The following ABCA7 variants were observed in gnomAD, a reference collection of about 807,000 sequenced individuals.
ABCA7 encodes phospholipid-transporting ATPase ABCA7.
In ABCA7, 261 loss-of-function variants were observed where a neutral mutation model predicts 227.6. The observed-to-expected ratio is 1.15, with a 90% CI of 1.04 to 1.27. The LOEUF (loss-of-function observed/expected upper bound fraction) is 1.27, where lower values mean the gene tolerates loss of function less well. ABCA7 is among the 50% of genes most tolerant of loss of function. ABCA7 has a pLI of 0.00. For synonymous variants in ABCA7, 1,488 were observed against 1,279.7 expected, an observed-to-expected ratio of 1.16 and a Z score of -3.47; for missense variants, 3,331 against 2,924.5, an observed-to-expected ratio of 1.14 and a Z score of -3.21.
chr19:1,060,207 A>ATATTTT, intron 40 of ABCA7, among the ~76,000 whole-genome samples: 4 of 96,866 alleles, frequency 4.1e-5, no homozygotes, highest in African/African-American at 1.4e-4. Context: ...ATATATATAT[A>ATATTTT]TTTTTTTTTC....
Position 1,048,513 on chromosome 19 carries a change from A to AAAC in ABCA7, c.2270-380_2270-379insCAA, listed in dbSNP as rs1555686515. Reference sequence around the variant, plus strand: ...CTCAGTCTCAAAAAAAAAAAAACAAAAAAAAAAAAAACAAGGCCGGGCACG... The same window carrying AAAC: ...CTCAGTCTCAAAAAAAAAAAAACAAAAACAAAAAAAAAAACAAGGCCGGGCACG... On this transcript the variant is annotated intron_variant, in intron 16 of 46. Coordinates refer to ENST00000263094, the MANE Select transcript of ABCA7 (RefSeq NM_019112.4). Among the ~76,000 whole-genome samples the AAAC allele has an allele frequency of 9.2e-5, 13 of 141,590 alleles. No individual in the cohort carries two copies. The East Asian group carries it at 2.7e-3, about 30-fold the overall frequency. The allele number at this position is 141,590 out of a possible 152,430, so 92.9% of individuals were successfully genotyped here.
chr19:1,041,647 G>C (rs768813299), intron 3 of ABCA7, 44 bp downstream of exon 3: 29 of 1,596,152 alleles, frequency 1.8e-5, no homozygotes, highest in Non-Finnish European at 2.1e-5. Flanking sequence ...TGTAGGGGAA[G>C]GCAGATGGCT....
intron 40 of ABCA7, among the ~76,000 whole-genome samples, chr19:1,060,178 T>G (rs931708558): frequency 2.0e-5 from 3 of 150,970 alleles, no homozygotes; most frequent in Non-Finnish European, 4.4e-5. Flanking sequence ...AAGTGCTGTT[T>G]GTTAGCACAC....
rs927268041 is a variant in ABCA7 at position 1,052,163 on chromosome 19, G to A, written c.3147+37G>A. 8.1e-6 allele frequency: 13 copies of A among 1,607,892 alleles called. No homozygotes were observed. The African/African-American group carries it at 1.3e-4, about 17-fold the overall frequency. ...CCTTCTCCTGACCCCTGACCCCCGG[G>A]ACTCTGTTCAGCCCTGAAGGCCAAG... On this transcript the variant is annotated intron_variant, in intron 22 of 46. Coordinates refer to ENST00000263094, the MANE Select transcript of ABCA7 (RefSeq NM_019112.4).
Position 1,047,594 on chromosome 19 carries a change from C to G in ABCA7, c.2209C>G (p.Leu737Val), listed in dbSNP as rs756200098. ...VFSLAQVSGL[L>V]LLDAALYGLA... is the part of the protein sequence containing the mutation. The stretch of plus-strand genomic sequence containing the variant: ...CAGCCTGGCCCAGGTCTCTGGCCTT[C>G]TGCTGCTGGACGCGGCGCTCTACGG... Residue 737 changes from leucine to valine, a missense_variant, in exon 16 of 47, where the codon CTG (leucine) becomes GTG (valine). Coordinates refer to ENST00000263094, the MANE Select transcript of ABCA7 (RefSeq NM_019112.4). 6.2e-7 allele frequency: 1 copy of G among 1,603,568 alleles called. No individual in the cohort carries two copies. The highest frequency in any genetic ancestry group is 1.7e-5 in the Admixed American group (1 of 59,944).
chr19:1,064,802 G>A, intron 45 of ABCA7, 129 bp from the exon 46 acceptor site: 1 of 1,384,360 alleles, frequency 7.2e-7, no homozygotes, highest in Non-Finnish European at 9.4e-7. Flanking sequence ...GACTGAGACG[G>A]GAGGACCACT....
Position 1,054,695 on chromosome 19 carries a change from G to C in ABCA7, c.3851+1G>C. The C allele has an allele frequency of 6.2e-7, 1 of 1,612,510 alleles. No individual in the cohort carries two copies. Among genetic ancestry groups the C allele is most frequent in the Non-Finnish European group, 8.5e-7 (1 of 1,179,184 alleles). ...ACGGTGCTCAGGTGTCCTTCTTCAGGTGGGTGCAGAAGGAAGGGGCTGGTG... is the reference window on the plus strand; with the variant it reads ...ACGGTGCTCAGGTGTCCTTCTTCAGCTGGGTGCAGAAGGAAGGGGCTGGTG... On this transcript the variant is annotated splice_donor_variant, in intron 28 of 46. Transcript: ENST00000263094. LOFTEE classifies it high-confidence loss of function. This position sits in a 1 kb window ranked among gnomAD's most constrained non-coding sequence, Gnocchi z 4.8.
At chr19:1,046,466 T>G (rs1028457123) in intron 13 of ABCA7, 60 bp downstream of exon 13, 2 of 1,507,724 alleles carry the variant, frequency 1.3e-6, no homozygotes, top group Admixed American at 4.3e-5. Flanking sequence ...GGTGTGGGGG[T>G]GGGCCCAGGC....
Position 1,051,434 on chromosome 19 carries a change from C to T in ABCA7, c.2825-15C>T. On this transcript the variant is annotated splice_polypyrimidine_tract_variant and intron_variant, in intron 20 of 46. Coordinates refer to ENST00000263094, the MANE Select transcript of ABCA7 (RefSeq NM_019112.4). ...TGGGTGTGACACACTGAGGTCCCTT[C>T]CCCATCTCTACCAGGTGGGATGCAA... 1 of 1,606,542 alleles carries T rather than the reference C, an allele frequency of 6.2e-7. No individual in the cohort carries two copies. The highest frequency in any genetic ancestry group is 1.8e-4 in the Middle Eastern group (1 of 5,512).
In ABCA7 at chr19:1,060,814, C is replaced by A. The variant is rs536915252; in HGVS notation, c.5464-968C>A. On this transcript the variant is annotated intron_variant, in intron 40 of 46. Transcript: ENST00000263094. ...GGGTTACAGGTGTGAGCCACTGGGC[C>A]TGGCCCACAGTATATCTTTACTAAG... Among the ~76,000 whole-genome samples, 3 of 152,266 alleles carry A rather than the reference C, an allele frequency of 2.0e-5. No individual in the cohort carries two copies. In the South Asian group the frequency reaches 6.2e-4, roughly 32 times the overall value.
chr19:1,043,775 G>A lies in ABCA7; in HGVS notation c.981G>A (p.Val327=), dbSNP rs1409174285. 1 of 1,612,776 alleles carries A rather than the reference G, an allele frequency of 6.2e-7. No individual in the cohort carries two copies. Among genetic ancestry groups the A allele is most frequent in the Non-Finnish European group, 8.5e-7 (1 of 1,179,890 alleles). The change falls in exon 10 of 47, where the codon GTG becomes GTA. Residue 327 remains valine, a synonymous_variant. Coordinates refer to ENST00000263094, the MANE Select transcript of ABCA7 (RefSeq NM_019112.4). ...CCCTGCTGAGGGATGTCCGGGAGGT[G>A]TGGGAGATGCTGGGACCCCGGATCT... ...ELTLLRDVRE[V]WEMLGPRIFT...
chr19:1,049,052 T>A (rs2041083272), intron 17 of ABCA7, 47 bp downstream of exon 17: 3 of 1,095,154 alleles, frequency 2.7e-6, no homozygotes, highest in Non-Finnish European at 4.0e-6. Context: ...ATATGCCCAG[T>A]TCCCCCCCAA....
chr19:1,057,598 TCATCTTATCC>T (rs2042364331), intron 35 of ABCA7, among the ~76,000 whole-genome samples, 169 bp downstream of exon 35: 5 of 152,068 alleles, frequency 3.3e-5, no homozygotes, highest in Admixed American at 1.3e-4. Flanking sequence ...CCTTAAAAGC[TCATCTTATCC>T]TGACTCATAT....
rs139251928 is a variant in ABCA7 at position 1,050,979 on chromosome 19, G to A, written c.2611G>A (p.Asp871Asn). The part of the protein sequence containing the change: ...SGGSAFILGH[D>N]VRSSMAAIRP... Reference sequence around the variant, plus strand: ...TGGCTCTGCCTTCATCCTGGGCCACGACGTCCGCTCCAGCATGGCCGCCAT... The same window carrying A: ...TGGCTCTGCCTTCATCCTGGGCCACAACGTCCGCTCCAGCATGGCCGCCAT... Residue 871 changes from aspartate (D) to asparagine (N), a missense_variant, in exon 19 of 47, where the codon GAC becomes AAC. Physicochemically the swap from Asp to Asn is conservative, Grantham distance 23. Transcript: ENST00000263094. The A allele has an allele frequency of 1.7e-5, 28 of 1,612,070 alleles. No individual in the cohort carries two copies. Among genetic ancestry groups the A allele is most frequent in the South Asian group, 3.3e-5 (3 of 90,988 alleles).
chr19:1,063,220 G>A (rs1323273568), intron 42 of ABCA7, among the ~76,000 whole-genome samples: 2 of 54,612 alleles, frequency 3.7e-5, no homozygotes, highest in Admixed American at 5.1e-4. Flanking sequence ...GTGTGGCCCC[G>A]CCCCATACTC....
Position 1,046,332 on chromosome 19 carries a change from C to G in ABCA7, c.1548C>G (p.Arg516=), listed in dbSNP as rs774290795. Reference sequence around the variant, plus strand: ...ACCTGGTGGAGCGTGCAGCCGTCCGCGTGCTCAGCGGCGCCAACCCCCGGG... The same window carrying G: ...ACCTGGTGGAGCGTGCAGCCGTCCGGGTGCTCAGCGGCGCCAACCCCCGGG... ...LQDLVERAAV[R]VLSGANPRAG... is the part of the protein sequence containing the mutation. Residue 516 remains arginine (R), a synonymous_variant, in exon 13 of 47, where the codon CGC becomes CGG. Transcript: ENST00000263094. The G allele has an allele frequency of 3.1e-6, 5 of 1,602,584 alleles. No individual in the cohort carries two copies. Among genetic ancestry groups the G allele is most frequent in the Non-Finnish European group, 4.2e-6 (5 of 1,178,784 alleles).
At chr19:1,064,510 T>C in intron 45 of ABCA7, 2 of 506,236 alleles carry the variant, frequency 4.0e-6, no homozygotes, top group East Asian at 3.6e-5. Context: ...TTGGAGTAGG[T>C]GCAGCCTGGA....
intron 40 of ABCA7, among the ~76,000 whole-genome samples, chr19:1,059,819 C>T (rs1006377248): frequency 2.0e-5 from 3 of 152,200 alleles, no homozygotes; most frequent in Admixed American, 6.5e-5. Flanking sequence ...GCCTCAGCCT[C>T]CCAAAGTGCT....
chr19:1,064,486 C>T (rs4147932), intron 45 of ABCA7, among the ~76,000 whole-genome samples: 104,888 of 151,314 alleles, frequency 0.69, 36,789 homozygotes, highest in Admixed American at 0.77. Context: ...TTAGAAGACA[C>T]AATCAGGTGT....
Sources: gnomAD v4.1 joint callset for allele counts (sites outside exome capture counted in the v4.1 genomes callset) on GRCh38, gnomAD v4.1.1 for gene constraint, Gnocchi (gnomAD v3.1) non-coding constraint, MANE v1.5 for transcripts, NCBI Gene and HGNC (gene_info 2026-07-23, HGNC 2026-07-21) for gene names.